Variants in HDAC9 observed in about 807,000 individuals in gnomAD.
HDAC9 encodes MEF-2 interacting transcription repressor (MITR) protein.
In HDAC9, 41 loss-of-function variants were observed where a neutral mutation model predicts 139.4. The observed-to-expected ratio is 0.29, with a 90% CI of 0.23 to 0.38. HDAC9 has a LOEUF of 0.38. Ranked by LOEUF, HDAC9 falls within the 10% of genes least tolerant of loss-of-function variation. HDAC9 has a pLI of 1.00. For missense variants in HDAC9, 1,147 were observed against 1,297.0 expected (o/e 0.88, Z 1.78); for synonymous variants, 517 against 476.2 (o/e 1.09, Z -1.12).
chr7:18,829,740 T>C (rs1247999085), intron 19 of HDAC9, among the ~76,000 whole-genome samples, 192 bp downstream of exon 19: 1 of 152,220 alleles, frequency 6.6e-6, no homozygotes, highest in African/African-American at 2.4e-5. Context: ...TTCACTTTCA[T>C]GGTGTTAACT....
At chr7:18,718,733 C>G (rs1784906277) in intron 12 of HDAC9, among the ~76,000 whole-genome samples, 1 of 152,166 alleles carries the variant, frequency 6.6e-6, no homozygotes, top group Admixed American at 6.5e-5. Context: ...GCTATGAACA[C>G]TCAAGTACAA....
chr7:18,311,183 C>T (rs1554367444), intron 1 of HDAC9, among the ~76,000 whole-genome samples: 2 of 151,922 alleles, frequency 1.3e-5, no homozygotes, highest in Non-Finnish European at 2.9e-5. Flanking sequence ...TTACACAGTA[C>T]CAAACAGTGT....
chr7:18,731,699 C>T (rs1304284664), intron 13 of HDAC9, among the ~76,000 whole-genome samples: 1 of 152,260 alleles, frequency 6.6e-6, no homozygotes, highest in East Asian at 1.9e-4. Flanking sequence ...GATCTTGGCT[C>T]ACCACAACCT....
chr7:18,594,229 A>G (rs528993181), intron 6 of HDAC9, among the ~76,000 whole-genome samples, 200 bp downstream of exon 6: 2 of 152,218 alleles, frequency 1.3e-5, no homozygotes, highest in East Asian at 1.9e-4. Context: ...TAATCAAAAT[A>G]TCTCTTTTTC....
chr7:18,560,032 G>T (rs1463890697), intron 2 of HDAC9, among the ~76,000 whole-genome samples: 1 of 152,126 alleles, frequency 6.6e-6, no homozygotes, highest in Non-Finnish European at 1.5e-5. Flanking sequence ...ATAATGAAAA[G>T]TCTTTTCTTC....
chr7:18,356,986 T>A (rs992273616), intron 1 of HDAC9, among the ~76,000 whole-genome samples: 2 of 152,152 alleles, frequency 1.3e-5, no homozygotes, highest in African/African-American at 4.8e-5. Context: ...GTAAATTAAC[T>A]AGCATTAAGG....
chr7:18,247,136 A>G (rs1023091223), intron 2 of HDAC9, among the ~76,000 whole-genome samples: 6 of 151,908 alleles, frequency 3.9e-5, no homozygotes, highest in Non-Finnish European at 7.4e-5. Flanking sequence ...TAAAGGTGTC[A>G]AGCAGTTAGT....
chr7:18,715,524 G>A lies in HDAC9; in HGVS notation c.1732-12056G>A, dbSNP rs999603770. Among the ~76,000 whole-genome samples, 4 of 152,052 alleles carry A rather than the reference G, an allele frequency of 2.6e-5. No homozygotes were observed. The East Asian group carries it at 5.8e-4, about 22-fold the overall frequency. On this transcript the variant is annotated intron_variant, in intron 12 of 25. Coordinates refer to ENST00000686413, the MANE Select transcript of HDAC9 (RefSeq NM_178425.4). Reference sequence around the variant, plus strand: ...TATACACAAGCAATTGGGTCTAGACGCCAGTGATGAAAAATGTGATTCTCC... The same window carrying A: ...TATACACAAGCAATTGGGTCTAGACACCAGTGATGAAAAATGTGATTCTCC...
intron 22 of HDAC9, among the ~76,000 whole-genome samples, chr7:18,913,572 A>G (rs1802925587): frequency 6.6e-6 from 1 of 152,080 alleles, no homozygotes; most frequent in East Asian, 1.9e-4. Context: ...ACCCTGTGCC[A>G]GAAAATAAGA....
At chr7:18,130,637 C>T (rs557797961) in intron 1 of HDAC9, among the ~76,000 whole-genome samples, 2 of 152,142 alleles carry the variant, frequency 1.3e-5, no homozygotes, top group Non-Finnish European at 1.5e-5. Flanking sequence ...TCGCTATTCT[C>T]TTTAGCTGTC....
rs116577493 is a variant in HDAC9 at position 18,757,032 on chromosome 7, T to C, written c.2044-5125T>C. On this transcript the variant is annotated intron_variant, in intron 14 of 25. Coordinates refer to ENST00000686413, the MANE Select transcript of HDAC9 (RefSeq NM_178425.4). ...TTGGAGCATTTTAAAACTCCAGTAG[T>C]TGTGCTTAGGCATAAGCAATGAGAT... is the stretch of plus-strand genomic sequence containing the variant. Among the ~76,000 whole-genome samples the C allele has an allele frequency of 2.7e-3, 411 of 152,270 alleles. 2 individuals carry two copies. Among genetic ancestry groups the C allele is most frequent in the African/African-American group, 9.5e-3 (396 of 41,564 alleles).
intron 1 of HDAC9, among the ~76,000 whole-genome samples, chr7:18,382,244 A>G (rs1243177361): frequency 3.3e-5 from 5 of 152,360 alleles, no homozygotes; most frequent in East Asian, 3.9e-4. Flanking sequence ...TAATAGTAAC[A>G]AGTGATTCCC....
intron 23 of HDAC9, among the ~76,000 whole-genome samples, chr7:18,950,070 G>A (rs1782685662): frequency 6.6e-6 from 1 of 151,962 alleles, no homozygotes; most frequent in African/African-American, 2.4e-5. Flanking sequence ...ATGGATTAGA[G>A]GTCTAGGTAT....
intron 13 of HDAC9, among the ~76,000 whole-genome samples, chr7:18,728,866 G>C (rs1391140571): frequency 6.6e-6 from 1 of 152,178 alleles, no homozygotes; most frequent in Non-Finnish European, 1.5e-5. Context: ...GCATAGAAGT[G>C]ACTTTTTATA....
chr7:18,636,297 C>T (rs2285433), intron 8 of HDAC9, among the ~76,000 whole-genome samples: 1 of 152,148 alleles, frequency 6.6e-6, no homozygotes, highest in South Asian at 2.1e-4. Context: ...GCCAGCCCCC[C>T]CTGCCCTGGG....
At chr7:18,803,952 A>G (rs1051057401) in intron 17 of HDAC9, among the ~76,000 whole-genome samples, 4 of 152,256 alleles carry the variant, frequency 2.6e-5, no homozygotes, top group African/African-American at 9.6e-5. Flanking sequence ...ACTACTTTAA[A>G]TACTGAAAAT....
intron 2 of HDAC9, among the ~76,000 whole-genome samples, chr7:18,508,561 CT>C (rs1432890125): frequency 1.2e-4 from 18 of 152,236 alleles, no homozygotes; most frequent in African/African-American, 4.3e-4. Flanking sequence ...TCTTTTAGAA[CT>C]TGTTCCCTTT....
intron 12 of HDAC9, among the ~76,000 whole-genome samples, chr7:18,724,055 C>A (rs1785342554): frequency 6.6e-6 from 1 of 152,160 alleles, no homozygotes; most frequent in African/African-American, 2.4e-5. Flanking sequence ...CACACCCATG[C>A]AAAATGTATT....
chr7:18,909,204 T>A (rs1441136472), intron 22 of HDAC9, among the ~76,000 whole-genome samples: 1 of 152,088 alleles, frequency 6.6e-6, no homozygotes, highest in African/African-American at 2.4e-5. Context: ...TTTTAAGAAA[T>A]GATTATTCTG....
Sources: gnomAD v4.1 joint callset for allele counts (sites outside exome capture counted in the v4.1 genomes callset) on GRCh38, gnomAD v4.1.1 for gene constraint, MANE v1.5 for transcripts, NCBI Gene and HGNC (gene_info 2026-07-23, HGNC 2026-07-21) for gene names.